Variants in ONECUT1 observed in about 807,000 individuals in gnomAD.
ONECUT1 encodes the protein hepatocyte nuclear factor 6.
A neutral mutation model predicts 25.6 loss-of-function variants in ONECUT1; 12 were observed. That is an observed-to-expected ratio of 0.47 (90% CI 0.30 to 0.76). The LOEUF is 0.76. ONECUT1 is among the 30% of genes least tolerant of loss of function. ONECUT1 has a pLI of 0.07. For synonymous variants in ONECUT1, 285 were observed against 270.2 expected (o/e 1.05, Z -0.54); for missense variants, 620 against 651.2 (o/e 0.95, Z 0.52).
At chr15:52,766,482 C>G (rs1157507643) in intron 1 of ONECUT1, among the ~76,000 whole-genome samples, 1 of 152,154 alleles carries the variant, frequency 6.6e-6, no homozygotes, top group Non-Finnish European at 1.5e-5. Flanking sequence ...GTCAGCCAAG[C>G]AGCAGGCCAG....
chr15:52,764,491 C>T (rs539967495), intron 1 of ONECUT1, among the ~76,000 whole-genome samples: 4 of 152,306 alleles, frequency 2.6e-5, no homozygotes, highest in African/African-American at 7.2e-5. Flanking sequence ...GTCAAGATCA[C>T]ACATCTATCA....
chr15:52,777,286 A>G (rs2083807073), intron 1 of ONECUT1, among the ~76,000 whole-genome samples: 1 of 152,198 alleles, frequency 6.6e-6, no homozygotes, highest in Non-Finnish European at 1.5e-5. Context: ...TCTCAATACC[A>G]TTATTCTAAT....
In ONECUT1 at chr15:52,788,606, C is replaced by A. The variant is rs913490293; in HGVS notation, c.1105+174G>T. 2.9e-6 allele frequency: 2 copies of A among 681,282 alleles called. No individual in the cohort carries two copies. The highest frequency in any genetic ancestry group is 2.9e-5 in the Admixed American group (1 of 33,920). 42.2% of individuals were successfully genotyped at this position (681,282 alleles called of 1,614,324 possible). A position where few individuals can be genotyped will look rare whatever the true frequency, so the allele number is the denominator to read the frequency against. On this transcript the variant is annotated intron_variant, in intron 1 of 1. Coordinates refer to ENST00000305901, the MANE Select transcript of ONECUT1 (RefSeq NM_004498.4). The surrounding 1 kb of genome is among the most constrained non-coding windows in gnomAD (Gnocchi z 4.3). ...CCAACACCCTGAGCCCTGGAGTAGGCAATTTGCTCCCACAGCCCTGTGCTG... is the reference window on the plus strand; with the variant it reads ...CCAACACCCTGAGCCCTGGAGTAGGAAATTTGCTCCCACAGCCCTGTGCTG...
At chr15:52,781,583 C>G (rs75544727) in intron 1 of ONECUT1, among the ~76,000 whole-genome samples, 1 of 152,220 alleles carries the variant, frequency 6.6e-6, no homozygotes, top group African/African-American at 2.4e-5. Context: ...CAGGGCATCA[C>G]TGTTTTCCAG....
At chr15:52,767,810 C>T (rs1014614100) in intron 1 of ONECUT1, among the ~76,000 whole-genome samples, 2 of 151,984 alleles carry the variant, frequency 1.3e-5, no homozygotes, top group Admixed American at 6.6e-5. Flanking sequence ...AACAGGTGAA[C>T]GGATAAAGAA....
intron 1 of ONECUT1, among the ~76,000 whole-genome samples, chr15:52,763,364 G>T (rs13379691): frequency 6.6e-6 from 1 of 151,900 alleles, no homozygotes; most frequent in African/African-American, 2.4e-5. Flanking sequence ...GTGTGCCACG[G>T]GAATAAAAGA....
chr15:52,774,807 G>A (rs554772725), intron 1 of ONECUT1, among the ~76,000 whole-genome samples: 2 of 152,260 alleles, frequency 1.3e-5, no homozygotes, highest in South Asian at 4.2e-4. Flanking sequence ...TGAGGGTAGT[G>A]CTCCAAAATG....
intron 1 of ONECUT1, among the ~76,000 whole-genome samples, chr15:52,787,472 T>A (rs1208781186): frequency 6.6e-6 from 1 of 152,068 alleles, no homozygotes; most frequent in African/African-American, 2.4e-5. Context: ...GTGAAACGGC[T>A]CAGTGCCCCC....
chr15:52,761,060 G>T (rs2083703155), intron 1 of ONECUT1, among the ~76,000 whole-genome samples: 2 of 93,956 alleles, frequency 2.1e-5, no homozygotes, highest in Admixed American at 2.7e-4. Context: ...TGGGTGGGGG[G>T]CTGTAGGAGA....
At chr15:52,772,651 G>T (rs901316778) in intron 1 of ONECUT1, among the ~76,000 whole-genome samples, 1 of 152,200 alleles carries the variant, frequency 6.6e-6, no homozygotes, top group African/African-American at 2.4e-5. Flanking sequence ...GCAAGTAAGT[G>T]TATCTCATGC....
At position 52,789,469 on chromosome 15, in the gene ONECUT1, T is replaced by C. The variant is rs751329022; in HGVS notation, c.416A>G (p.Gln139Arg). The C allele has an allele frequency of 6.2e-7, 1 of 1,613,384 alleles. No individual in the cohort carries two copies. ...HHHHHHPHHH[Q>R]RLAGNVSGSF... ...ACCGCTCACGTTGCCCGCCAGGCGC[T>C]GGTGGTGGTGCGGGTGGTGGTGGTG... The change falls in exon 1 of 2, where the codon CAG (glutamine) becomes CGG (arginine). Residue 139 changes from glutamine to arginine, a missense_variant. Gln to Arg is a conservative substitution (Grantham distance 43, BLOSUM62 1). This residue lies in a region of ONECUT1 where 440 missense variants were observed against 404.9 expected (regional missense o/e 1.09). Transcript: ENST00000305901. This position sits in a 1 kb window ranked among gnomAD's most constrained non-coding sequence, Gnocchi z 4.1.
chr15:52,767,683 G>T (rs946163431), intron 1 of ONECUT1, among the ~76,000 whole-genome samples: 1 of 152,156 alleles, frequency 6.6e-6, no homozygotes, highest in Non-Finnish European at 1.5e-5. Flanking sequence ...CTCTTTTCTG[G>T]AAGTTTGGCT....
rs1339746053 is a variant in ONECUT1, at chr15:52,777,735, C to CAAAA, written c.1105+11044_1105+11045insTTTT. Among the ~76,000 whole-genome samples the CAAAA allele has an allele frequency of 7.3e-4, 66 of 90,940 alleles. 3 individuals carry two copies. Among genetic ancestry groups the CAAAA allele is most frequent in the East Asian group, 6.6e-3 (17 of 2,578 alleles). 59.7% of individuals were successfully genotyped at this position (90,940 alleles called of 152,430 possible). A position where few individuals can be genotyped will look rare whatever the true frequency, so the allele number is the denominator to read the frequency against. ...ACACACACACACACACACACACACA[C>CAAAA]ACAAAAAAACATGTAAAGTTATTTG... On this transcript the variant is annotated intron_variant, in intron 1 of 1. Transcript: ENST00000305901.
chr15:52,760,221 C>T (rs1044105926), intron 1 of ONECUT1, among the ~76,000 whole-genome samples: 7 of 152,136 alleles, frequency 4.6e-5, no homozygotes, highest in African/African-American at 9.7e-5. Context: ...TCCCTCAGAG[C>T]CTCGAGTTAT....
At chr15:52,770,858 T>G (rs529518431) in intron 1 of ONECUT1, among the ~76,000 whole-genome samples, 12 of 152,116 alleles carry the variant, frequency 7.9e-5, no homozygotes, top group Non-Finnish European at 1.5e-4. Flanking sequence ...CTGTGTCAGT[T>G]TATGAGAGAG....
intron 1 of ONECUT1, chr15:52,787,644 T>TGGGGGGGGGG (rs1339145516): frequency 4.2e-5 from 1 of 23,832 alleles, no homozygotes. Context: ...GGTGGGGGAG[T>TGGGGGGGGGG]GGGGGGGGAG....
intron 1 of ONECUT1, among the ~76,000 whole-genome samples, chr15:52,770,070 CT>C (rs890426963): frequency 1.3e-5 from 2 of 152,184 alleles, no homozygotes; most frequent in African/African-American, 4.8e-5. Flanking sequence ...AGCCATTGGG[CT>C]TTTTGAGTAG....
intron 1 of ONECUT1, among the ~76,000 whole-genome samples, chr15:52,768,674 A>G (rs1034691983): frequency 5.3e-5 from 8 of 152,232 alleles, no homozygotes; most frequent in African/African-American, 1.7e-4. Context: ...AGTAATTGAG[A>G]GTTATAAAAC....
chr15:52,780,757 A>G, intron 1 of ONECUT1: 1 of 1,436,276 alleles, frequency 7.0e-7, no homozygotes, highest in African/African-American at 1.4e-5. Flanking sequence ...TTTAGAAGAC[A>G]ACAGGAAAGA....
Sources: gnomAD v4.1 joint callset for allele counts (sites outside exome capture counted in the v4.1 genomes callset) on GRCh38, gnomAD v4.1.1 for gene constraint, gnomAD v4.1.1 regional missense constraint, Gnocchi (gnomAD v3.1) non-coding constraint, MANE v1.5 for transcripts, NCBI Gene and HGNC (gene_info 2026-07-23, HGNC 2026-07-21) for gene names.